NSRP1: variants seen among roughly 807,000 people sequenced by gnomAD.
NSRP1 encodes coiled-coil domain containing 55.
In NSRP1, 24 loss-of-function variants were observed where a neutral mutation model predicts 54.7. The observed-to-expected ratio is 0.44, with a 90% CI of 0.32 to 0.62. The LOEUF (loss-of-function observed/expected upper bound fraction) is 0.62, where lower values mean the gene tolerates loss of function less well. NSRP1 is among the 20% of genes least tolerant of loss of function. The probability of loss-of-function intolerance (pLI) is 0.06; values close to 1 mark genes in which losing one functional copy is unlikely to be tolerated. For synonymous variants in NSRP1, 210 were observed against 213.8 expected (o/e 0.98, Z 0.15); for missense variants, 596 against 651.2 (o/e 0.92, Z 0.92).
In NSRP1 at chr17:30,185,768, T is replaced by C. The variant is rs544423370; in HGVS notation, c.*94T>C. The C allele has an allele frequency of 2.7e-5, 35 of 1,311,916 alleles. No homozygotes were observed. Among genetic ancestry groups the C allele is most frequent in the Admixed American group, 1.3e-4 (5 of 38,506 alleles). The allele number at this position is 1,311,916 out of a possible 1,614,324, so 81.3% of individuals were successfully genotyped here. A position where few individuals can be genotyped will look rare whatever the true frequency, so the allele number is the denominator to read the frequency against. ...CCATAAAGGAGTGTGTTACCAGTAG[T>C]TTGGAGGGCATTTTTAAATTTATTT... On this transcript the variant is annotated 3_prime_UTR_variant, in exon 7 of 7. Coordinates refer to ENST00000247026, the MANE Select transcript of NSRP1 (RefSeq NM_032141.4).
At chr17:30,166,513 A>G (rs1014597901) in intron 2 of NSRP1, among the ~76,000 whole-genome samples, 19 of 152,180 alleles carry the variant, frequency 1.2e-4, no homozygotes, top group African/African-American at 4.3e-4. Context: ...ATTTGAAAAA[A>G]TTTTATACAA....
At chr17:30,149,098 T>A (rs2071883107) in intron 2 of NSRP1, among the ~76,000 whole-genome samples, 1 of 152,246 alleles carries the variant, frequency 6.6e-6, no homozygotes, top group Admixed American at 6.5e-5. Flanking sequence ...ATAAATATTT[T>A]GTAATTTCCT....
intron 3 of NSRP1, among the ~76,000 whole-genome samples, chr17:30,174,638 C>T (rs1905066755): frequency 6.6e-6 from 1 of 152,070 alleles, no homozygotes; most frequent in Non-Finnish European, 1.5e-5. Flanking sequence ...ATATTTGTTG[C>T]TAATCTAAGG....
At chr17:30,160,664 G>A (rs1904482475) in intron 2 of NSRP1, among the ~76,000 whole-genome samples, 1 of 151,918 alleles carries the variant, frequency 6.6e-6, no homozygotes, top group South Asian at 2.1e-4. Flanking sequence ...TTCTGCTTTT[G>A]TTTGAGTTCT....
At chr17:30,172,681 A>G (rs1373498547) in intron 3 of NSRP1, 83 bp downstream of exon 3, 1 of 1,014,538 alleles carries the variant, frequency 9.9e-7, no homozygotes, top group Non-Finnish European at 1.5e-6. Context: ...CTAGGTGCTG[A>G]GACTAAAACA....
At chr17:30,135,171 T>G (rs1014170412) in intron 2 of NSRP1, among the ~76,000 whole-genome samples, 1 of 152,212 alleles carries the variant, frequency 6.6e-6, no homozygotes, top group South Asian at 2.1e-4. Flanking sequence ...CAGGCTGGAG[T>G]GAAGTGGTGC....
chr17:30,152,798 T>G (rs1287559573), intron 2 of NSRP1, among the ~76,000 whole-genome samples: 1 of 152,056 alleles, frequency 6.6e-6, no homozygotes, highest in South Asian at 2.1e-4. Context: ...TACTTTGTTC[T>G]TCACATACGT....
At chr17:30,170,949 G>T (rs1904909382) in intron 2 of NSRP1, among the ~76,000 whole-genome samples, 1 of 152,030 alleles carries the variant, frequency 6.6e-6, no homozygotes, top group Admixed American at 6.5e-5. Flanking sequence ...ATTATTTTTT[G>T]ACTTTTTTAG....
At chr17:30,122,383 ATATTTTTTTTTTTTTTTTTTTTTTTTTTT>A (rs1378013672) in intron 2 of NSRP1, 7 of 25,180 alleles carry the variant, frequency 2.8e-4, no homozygotes, top group African/African-American at 1.4e-4. Flanking sequence ...ATATATATAT[ATATTTTTTTTTTTTTTTTTTTTTTTTTTT>A]TTTTTTTTTT....
chr17:30,170,139 A>G (rs1202254252), intron 2 of NSRP1, among the ~76,000 whole-genome samples: 1 of 152,164 alleles, frequency 6.6e-6, no homozygotes, highest in Non-Finnish European at 1.5e-5. Flanking sequence ...TGTAATTCAC[A>G]TAGCATAAAA....
intron 2 of NSRP1, among the ~76,000 whole-genome samples, chr17:30,158,649 GAC>G (rs1904406358): frequency 8.1e-6 from 1 of 123,002 alleles, no homozygotes; most frequent in Non-Finnish European, 1.9e-5. Flanking sequence ...TATGGTGAGA[GAC>G]AGGGGTTTAG....
At chr17:30,182,024 G>T (rs928409423) in intron 6 of NSRP1, among the ~76,000 whole-genome samples, 3 of 145,942 alleles carry the variant, frequency 2.1e-5, no homozygotes, top group Non-Finnish European at 3.0e-5. Flanking sequence ...TGGGATTACA[G>T]GTATGAGCCA....
In NSRP1 at chr17:30,185,163, A is replaced by G. The variant is rs1258139812; in HGVS notation, c.1166A>G (p.Gln389Arg). 1 of 1,582,748 alleles carries G rather than the reference A, an allele frequency of 6.3e-7. No homozygotes were observed. Among genetic ancestry groups the G allele is most frequent in the Admixed American group, 1.9e-5 (1 of 53,986 alleles). Residue 389 changes from glutamine (Q) to arginine (R), a missense_variant, in exon 7 of 7, where the codon CAA becomes CGA. Gln to Arg is a conservative substitution (Grantham distance 43). Transcript: ENST00000247026. Reference protein sequence around the residue: ...KREKDREKYSQREQERDRQQN... With the variant: ...KREKDREKYSRREQERDRQQN... ...GAGAAAGATAGGGAGAAATATTCCC[A>G]AAGAGAACAAGAAAGAGATAGACAA...
rs534678635 is a variant in NSRP1, at chr17:30,149,722, C to G, written c.115-22820C>G. Among the ~76,000 whole-genome samples, 12 of 151,756 alleles carry G rather than the reference C, an allele frequency of 7.9e-5. No individual in the cohort carries two copies. The East Asian group carries it at 2.3e-3, about 29-fold the overall frequency. ...TTGTGGCACATGCCTGTGGTCCTAG[C>G]CACACAGGAGGCTGAGGCAGGAGCA... is the stretch of plus-strand genomic sequence containing the variant. On this transcript the variant is annotated intron_variant, in intron 2 of 6. Transcript: ENST00000247026.
At chr17:30,176,498 T>C (rs746451425) in intron 3 of NSRP1, among the ~76,000 whole-genome samples, 2 of 151,486 alleles carry the variant, frequency 1.3e-5, no homozygotes, top group Non-Finnish European at 2.9e-5. Context: ...TAATCCTAGC[T>C]ACTCAGGAGG....
At chr17:30,156,285 G>C (rs1187929877) in intron 2 of NSRP1, among the ~76,000 whole-genome samples, 1 of 150,988 alleles carries the variant, frequency 6.6e-6, no homozygotes, top group African/African-American at 2.4e-5. Flanking sequence ...TCCTCTAACT[G>C]TATGTTCATA....
chr17:30,153,571 G>A, intron 2 of NSRP1, among the ~76,000 whole-genome samples: 1 of 152,020 alleles, frequency 6.6e-6, no homozygotes, highest in Non-Finnish European at 1.5e-5. Flanking sequence ...CCTTGCCACT[G>A]TGTTTATATC....
In NSRP1 at chr17:30,116,902, G is replaced by C. The variant is rs375042959; in HGVS notation, c.20+39G>C. ...GAGTTAGGGTCAGGCTGGGGGATGA[G>C]AAACTACGGCGACTGTATCTTTGGC... On this transcript the variant is annotated intron_variant, in intron 1 of 6. Coordinates refer to ENST00000247026, the MANE Select transcript of NSRP1 (RefSeq NM_032141.4). 3.2e-6 allele frequency: 5 copies of C among 1,561,146 alleles called. No homozygotes were observed. In the African/African-American group the frequency reaches 5.4e-5, roughly 17 times the overall value.
chr17:30,175,226 C>G (rs1597619838), intron 3 of NSRP1, among the ~76,000 whole-genome samples: 1 of 152,068 alleles, frequency 6.6e-6, no homozygotes, highest in Admixed American at 6.6e-5. Context: ...GTAGCTGTAT[C>G]TTACAGATTT....
Sources: allele counts gnomAD v4.1 joint callset (sites outside exome capture counted in the v4.1 genomes callset), GRCh38; gene constraint gnomAD v4.1.1; transcripts MANE v1.5; gene names NCBI Gene and HGNC (gene_info 2026-07-23, HGNC 2026-07-21).